The following POU2F2 variants were observed in gnomAD, a reference collection of about 807,000 sequenced individuals.
POU2F2 encodes POU class 2 homeobox 2.
In POU2F2, 14 loss-of-function variants were observed where a neutral mutation model predicts 63.5. The observed-to-expected ratio is 0.22, with a 90% CI of 0.15 to 0.34. The LOEUF (loss-of-function observed/expected upper bound fraction) is 0.34. Ranked by LOEUF, POU2F2 falls within the 10% of genes least tolerant of loss-of-function variation. The pLI is 1.00. For missense variants in POU2F2, 607 were observed against 815.2 expected, an observed-to-expected ratio of 0.74 and a Z score of 3.11; for synonymous variants, 306 against 348.6, an observed-to-expected ratio of 0.88 and a Z score of 1.36.
intron 5 of POU2F2, among the ~76,000 whole-genome samples, chr19:42,107,432 G>A (rs1413244804): frequency 1.3e-5 from 2 of 152,118 alleles, no homozygotes; most frequent in Non-Finnish European, 2.9e-5. Context: ...TCATTTATGG[G>A]TTTCTTTATT....
At chr19:42,188,237 G>T (rs192984802) in intron 1 of POU2F2, among the ~76,000 whole-genome samples, 1 of 151,596 alleles carries the variant, frequency 6.6e-6, no homozygotes, top group Non-Finnish European at 1.5e-5. Flanking sequence ...GTGGTGGTGC[G>T]TGCCTGTGGT....
rs1251828307 is a variant in POU2F2, at chr19:42,152,213, A to G, written c.-9+8119T>C. Among the ~76,000 whole-genome samples the G allele has an allele frequency of 1.3e-5, 2 of 152,168 alleles. No homozygotes were observed. The highest frequency in any genetic ancestry group is 2.9e-5 in the Non-Finnish European group (2 of 68,022). On this transcript the variant is annotated intron_variant, in intron 2 of 6. Coordinates refer to the POU2F2 transcript ENST00000524801. The surrounding 1 kb of genome is among the most constrained non-coding windows in gnomAD (Gnocchi z 4.1). The stretch of plus-strand genomic sequence containing the variant: ...AGGGATATGGAGCCTCCAAAGAGAC[A>G]GAAGGAAACAGGCAGATCTTCTGTG...
At position 42,167,030 on chromosome 19, in the gene POU2F2, T is replaced by C. The variant is rs181238156; in HGVS notation, c.-69-6638A>G. On this transcript the variant is annotated intron_variant, in intron 1 of 6. Transcript: ENST00000524801. ...TGGGCACTGTGCTACACACTAGGGA[T>C]ACAACTATGAACAACACAAAGTCCC... Among the ~76,000 whole-genome samples, 45 of 152,306 alleles carry C rather than the reference T, an allele frequency of 3.0e-4. 1 individual carries two copies. Among genetic ancestry groups the C allele is most frequent in the Middle Eastern group, 3.4e-3 (1 of 294 alleles).
intron 2 of POU2F2, among the ~76,000 whole-genome samples, chr19:42,142,090 A>C (rs1327705538): frequency 3.9e-5 from 6 of 152,242 alleles, no homozygotes; most frequent in Non-Finnish European, 8.8e-5. Context: ...CTATTTTTAA[A>C]AACTGTATCT....
chr19:42,154,762 TCACACACA>T (rs144313465), intron 2 of POU2F2, among the ~76,000 whole-genome samples: 1 of 150,040 alleles, frequency 6.7e-6, no homozygotes, highest in African/African-American at 2.4e-5. Flanking sequence ...GTGATGTCTC[TCACACACA>T]CACACACACA....
In POU2F2 at chr19:42,169,660, C is replaced by T. The variant is rs17342284; in HGVS notation, c.-70+6303G>A. Among the ~76,000 whole-genome samples, 13,465 of 152,200 alleles carry T rather than the reference C, an allele frequency of 0.088. 818 individuals are homozygous for T. Among genetic ancestry groups the T allele is most frequent in the Middle Eastern group, 0.19 (57 of 294 alleles). The stretch of plus-strand genomic sequence containing the variant: ...CTTGCAGGATCATTGCATGTGTCTG[C>T]ATGCTTATGTATTTCAGTATTTGCC... On this transcript the variant is annotated intron_variant, in intron 1 of 6. Transcript: ENST00000524801. The surrounding 1 kb of genome is among the most constrained non-coding windows in gnomAD (Gnocchi z 4.3).
intron 5 of POU2F2, among the ~76,000 whole-genome samples, chr19:42,113,790 T>A (rs2146530112): frequency 6.6e-6 from 1 of 152,000 alleles, no homozygotes; most frequent in African/African-American, 2.4e-5. Flanking sequence ...TTAGCAGGCA[T>A]GAGAAGTGGA....
chr19:42,114,920 G>A (rs983745094), intron 5 of POU2F2, among the ~76,000 whole-genome samples: 3 of 152,136 alleles, frequency 2.0e-5, no homozygotes, highest in Admixed American at 1.3e-4. Flanking sequence ...TGGGCAGATC[G>A]CTTGAGCTCA....
chr19:42,131,850 C>G (rs1026295736), intron 1 of POU2F2, among the ~76,000 whole-genome samples: 1 of 151,950 alleles, frequency 6.6e-6, no homozygotes, highest in African/African-American at 2.4e-5. Context: ...AAGAAGGGAG[C>G]CAGGCAATCA....
rs1379327285 is a variant in POU2F2, at chr19:42,087,412, T to A, written c.*3845A>T. On this transcript the variant is annotated 3_prime_UTR_variant, in exon 15 of 15. Transcript: ENST00000692977. Reference sequence around the variant, plus strand: ...TCCCTCGCCAGATCTCCCCAGGGCTTGGAGAGCCCGTCATGGCCTTCTCCA... The same window carrying A: ...TCCCTCGCCAGATCTCCCCAGGGCTAGGAGAGCCCGTCATGGCCTTCTCCA... 1 of 152,016 alleles carries A rather than the reference T, an allele frequency of 6.6e-6. No homozygotes were observed. Among genetic ancestry groups the A allele is most frequent in the Non-Finnish European group, 1.5e-5 (1 of 68,010 alleles). The allele number at this position is 152,016 out of a possible 1,614,324, so 9.4% of individuals were successfully genotyped here.
intron 1 of POU2F2, among the ~76,000 whole-genome samples, chr19:42,160,626 G>T (rs2034534854): frequency 1.3e-5 from 2 of 152,200 alleles, no homozygotes; most frequent in South Asian, 4.1e-4. Context: ...GCATACTAGT[G>T]CCTGCCACTG....
Position 42,122,538 on chromosome 19 carries a change from C to T in POU2F2, c.67G>A (p.Gly23Ser). 1 of 1,606,486 alleles carries T rather than the reference C, an allele frequency of 6.2e-7. No homozygotes were observed. Among genetic ancestry groups the T allele is most frequent in the Non-Finnish European group, 8.5e-7 (1 of 1,176,528 alleles). Residue 23 changes from glycine to serine, a missense_variant, in exon 2 of 15, where the codon GGT (glycine) becomes AGT (serine). Transcript: ENST00000692977. Reference sequence around the variant, plus strand: ...GTGTGCTCTGATGGGGAGTCCAGACCTTGCTTCTCGGCCTCCAGGGGCTTA... The same window carrying T: ...GTGTGCTCTGATGGGGAGTCCAGACTTTGCTTCTCGGCCTCCAGGGGCTTA... ...MSKPLEAEKQ[G>S]LDSPSEHTDT...
Position 42,116,264 on chromosome 19 carries a change from T to C in POU2F2, c.369+986A>G, listed in dbSNP as rs575358019. The stretch of plus-strand genomic sequence containing the variant: ...TCCTAATTCATAGATCACGGGCCCC[T>C]TTTTTGAAAGAGCATCTTGTTGGAT... On this transcript the variant is annotated intron_variant, in intron 5 of 14. Coordinates refer to ENST00000692977, the MANE Select transcript of POU2F2 (RefSeq NM_001394376.1). Among the ~76,000 whole-genome samples the C allele has an allele frequency of 3.9e-5, 6 of 152,310 alleles. No homozygotes were observed. The South Asian group carries it at 1.2e-3, about 32-fold the overall frequency.
chr19:42,136,064 G>C (rs1175478570), upstream of POU2F2, among the ~76,000 whole-genome samples: 2 of 152,104 alleles, frequency 1.3e-5, no homozygotes, highest in African/African-American at 4.8e-5. Flanking sequence ...TGCTTCTCCA[G>C]CAGCCCTAAG....
chr19:42,111,350 GCCGT>G (rs937440642), intron 5 of POU2F2, among the ~76,000 whole-genome samples: 49 of 151,992 alleles, frequency 3.2e-4, no homozygotes, highest in African/African-American at 1.1e-3. Context: ...CTCGCCTCAA[GCCGT>G]CCTCCTGCTT....
At chr19:42,178,523 AACAG>A (rs529685828), upstream of POU2F2, among the ~76,000 whole-genome samples, 153 of 152,330 alleles carry the variant, frequency 1.0e-3, no homozygotes, top group South Asian at 2.5e-3. Context: ...GACCTGCGGA[AACAG>A]ACAGAGATTA....
intron 1 of POU2F2, among the ~76,000 whole-genome samples, chr19:42,161,086 G>A (rs1187244414): frequency 6.6e-6 from 1 of 152,166 alleles, no homozygotes; most frequent in Non-Finnish European, 1.5e-5. Flanking sequence ...ACAGAAGGAA[G>A]AGCCAATGCC....
At chr19:42,099,949 G>T (rs2077067670) in intron 5 of POU2F2, 128 bp from the exon 6 acceptor site, 2 of 719,638 alleles carry the variant, frequency 2.8e-6, no homozygotes, top group African/African-American at 1.7e-5. Flanking sequence ...GCACTGGGCA[G>T]TGAGGGATCG....
chr19:42,189,605 C>T (rs1425490972), intron 1 of POU2F2, among the ~76,000 whole-genome samples: 1 of 152,128 alleles, frequency 6.6e-6, no homozygotes, highest in Non-Finnish European at 1.5e-5. Flanking sequence ...GTTGCTGCAG[C>T]CAAAGAACCC....
Sources: allele counts gnomAD v4.1 joint callset (sites outside exome capture counted in the v4.1 genomes callset), GRCh38; gene constraint gnomAD v4.1.1; non-coding constraint Gnocchi (gnomAD v3.1); transcripts MANE v1.5; gene names NCBI Gene and HGNC (gene_info 2026-07-23, HGNC 2026-07-21).